The following MTDH variants were observed in gnomAD, a reference collection of about 807,000 sequenced individuals.
The protein encoded by MTDH is protein LYRIC.
Under a neutral mutation model 72.7 loss-of-function variants are expected in MTDH, and 34 were observed. That is an observed-to-expected ratio of 0.47 (90% confidence interval 0.36 to 0.62). MTDH has a LOEUF of 0.62. MTDH is among the 20% of genes least tolerant of loss of function. The probability of loss-of-function intolerance (pLI) is 0.00; values close to 1 mark genes in which losing one functional copy is unlikely to be tolerated. For missense variants in MTDH, 677 were observed against 699.4 expected, an observed-to-expected ratio of 0.97 and a Z score of 0.36; for synonymous variants, 266 against 268.9, an observed-to-expected ratio of 0.99 and a Z score of 0.10.
rs562699907 is a variant in MTDH at position 97,717,810 on chromosome 8, C to T, written c.1381-1239C>T. Among the ~76,000 whole-genome samples, 5 of 152,188 alleles carry T rather than the reference C, an allele frequency of 3.3e-5. No homozygotes were observed. The East Asian group carries it at 9.6e-4, about 29-fold the overall frequency. On this transcript the variant is annotated intron_variant, in intron 9 of 11. Coordinates refer to ENST00000336273, the MANE Select transcript of MTDH (RefSeq NM_178812.4). ...TGTCACCCAGGCTGGAGTGCAGTGG[C>T]ACGATCTTGGCTCACTGCAACCTTC...
chr8:97,679,764 A>G (rs540110061), intron 2 of MTDH, among the ~76,000 whole-genome samples: 1 of 152,318 alleles, frequency 6.6e-6, no homozygotes, highest in Admixed American at 6.5e-5. Context: ...CCATGGAAGT[A>G]TGAGAACAAC....
chr8:97,682,245 TA>T (rs1813127581), intron 2 of MTDH, among the ~76,000 whole-genome samples: 3 of 12,136 alleles, frequency 2.5e-4, no homozygotes, highest in Admixed American at 1.4e-3. Context: ...TATATATATA[TA>T]TATATATATA....
intron 5 of MTDH, 74 bp from the exon 6 acceptor site, chr8:97,690,878 A>G (rs1813578461): frequency 1.9e-6 from 2 of 1,035,006 alleles, no homozygotes; most frequent in Non-Finnish European, 2.8e-6. Flanking sequence ...TCAAGCAATC[A>G]TAGAAATGTG....
chr8:97,697,142 A>T (rs1563554099), intron 6 of MTDH, among the ~76,000 whole-genome samples: 1 of 76,886 alleles, frequency 1.3e-5, no homozygotes, highest in African/African-American at 9.5e-5. Context: ...ATATATATAT[A>T]TATATATATT....
At chr8:97,661,384 C>T (rs1217075286) in intron 2 of MTDH, among the ~76,000 whole-genome samples, 2 of 151,302 alleles carry the variant, frequency 1.3e-5, no homozygotes, top group African/African-American at 4.9e-5. Flanking sequence ...ATATTTTAAA[C>T]ATTGCTGTGG....
At chr8:97,644,961 G>A in intron 1 of MTDH, 74 bp downstream of exon 1, 1 of 1,445,732 alleles carries the variant, frequency 6.9e-7, no homozygotes, top group Non-Finnish European at 9.1e-7. Context: ...GGGGGAGGCC[G>A]CGCCCCAGCC....
rs1814026364 is a variant in MTDH, at chr8:97,699,747, A to G, written c.1049-7A>G. ...TTTAATTTTATTGCATTCGTTTTTC[A>G]TTTAAGGGTCTACTGCTGAGCCAGT... On this transcript the variant is annotated splice_region_variant and splice_polypyrimidine_tract_variant and intron_variant, in intron 6 of 11. Coordinates refer to ENST00000336273, the MANE Select transcript of MTDH (RefSeq NM_178812.4). 6.3e-7 allele frequency: 1 copy of G among 1,583,576 alleles called. No homozygotes were observed. Among genetic ancestry groups the G allele is most frequent in the Non-Finnish European group, 8.7e-7 (1 of 1,154,106 alleles).
At chr8:97,705,773 A>G (rs1358722674) in intron 7 of MTDH, among the ~76,000 whole-genome samples, 2 of 152,228 alleles carry the variant, frequency 1.3e-5, no homozygotes, top group Non-Finnish European at 2.9e-5. Flanking sequence ...CTATAAGTAG[A>G]TTTACAGGAA....
rs1176302781 is a variant in MTDH, at chr8:97,697,119, CA to C, written c.1049-2624del. ...GGTGACAGAGTGAGACTCTGTCTCA[CA>C]AAAAAAAAAATATATATATATATAT... On this transcript the variant is annotated intron_variant, in intron 6 of 11. Transcript: ENST00000336273. 1.4e-4 allele frequency among the ~76,000 whole-genome samples: 9 copies of C among 63,048 alleles called. 1 individual carries two copies. Among genetic ancestry groups the C allele is most frequent in the Admixed American group, 1.8e-4 (1 of 5,582 alleles). The allele number at this position is 63,048 out of a possible 152,430, so 41.4% of individuals were successfully genotyped here.
intron 3 of MTDH, 21 bp downstream of exon 3, chr8:97,686,773 A>T: frequency 6.5e-7 from 1 of 1,538,610 alleles, no homozygotes; most frequent in Non-Finnish European, 8.8e-7. Context: ...AAGGGAAAGG[A>T]CTGTAGAAAA....
chr8:97,682,228 CTTTA>C (rs1204952946), intron 2 of MTDH, among the ~76,000 whole-genome samples: 6 of 44,058 alleles, frequency 1.4e-4, no homozygotes, highest in African/African-American at 2.0e-4. Flanking sequence ...TTGTTAATTA[CTTTA>C]TATATATATA....
chr8:97,677,304 C>G (rs1285966385), intron 2 of MTDH, among the ~76,000 whole-genome samples: 1 of 150,172 alleles, frequency 6.7e-6, no homozygotes, highest in Non-Finnish European at 1.5e-5. Flanking sequence ...CCAGCCTGGC[C>G]AAGATGGTGA....
At chr8:97,694,473 A>G (rs1046333473) in intron 6 of MTDH, among the ~76,000 whole-genome samples, 2 of 152,188 alleles carry the variant, frequency 1.3e-5, no homozygotes, top group East Asian at 3.9e-4. Flanking sequence ...CTGGGATTAC[A>G]CGTGTGAGCC....
intron 11 of MTDH, among the ~76,000 whole-genome samples, chr8:97,723,599 C>G (rs547143875): frequency 6.7e-6 from 1 of 148,934 alleles, no homozygotes; most frequent in Non-Finnish European, 1.5e-5. Flanking sequence ...ACAGATTAGC[C>G]GGGCGTGGTG....
rs1353821837 is a variant in MTDH, at chr8:97,727,837, T to C, written c.*3167T>C. ...TTTCTCCAGACTGGAATCCTACCTA[T>C]CTGTACCGACAATTGAGCAAACAAC... On this transcript the variant is annotated 3_prime_UTR_variant, in exon 12 of 12. Coordinates refer to ENST00000336273, the MANE Select transcript of MTDH (RefSeq NM_178812.4). 6.6e-6 allele frequency: 1 copy of C among 152,000 alleles called. No individual in the cohort carries two copies. 9.4% of individuals were successfully genotyped at this position (152,000 alleles called of 1,614,324 possible).
intron 7 of MTDH, among the ~76,000 whole-genome samples, chr8:97,705,720 A>ATT (rs911183983): frequency 7.9e-5 from 12 of 152,262 alleles, no homozygotes; most frequent in African/African-American, 2.7e-4. Flanking sequence ...TTGGAAATAA[A>ATT]GCCTAACCTT....
chr8:97,723,944 C>T (rs1437850974), intron 11 of MTDH, among the ~76,000 whole-genome samples: 2 of 151,852 alleles, frequency 1.3e-5, no homozygotes, highest in African/African-American at 4.8e-5. Context: ...CCCGTCTCTA[C>T]TAAAAATACA....
intron 1 of MTDH, among the ~76,000 whole-genome samples, chr8:97,649,627 C>G (rs1420293123): frequency 6.6e-6 from 1 of 152,028 alleles, no homozygotes; most frequent in Non-Finnish European, 1.5e-5. Flanking sequence ...TTTTTGGAGA[C>G]CAGAGTCTCA....
At chr8:97,690,680 A>T (rs892320535) in intron 5 of MTDH, among the ~76,000 whole-genome samples, 1 of 152,172 alleles carries the variant, frequency 6.6e-6, no homozygotes, top group African/African-American at 2.4e-5. Context: ...ATGTCTTCAT[A>T]TTCTTAGTGG....
Sources: gnomAD v4.1 joint callset for allele counts (sites outside exome capture counted in the v4.1 genomes callset) on GRCh38, gnomAD v4.1.1 for gene constraint, MANE v1.5 for transcripts, NCBI Gene and HGNC (gene_info 2026-07-23, HGNC 2026-07-21) for gene names.